Variants in GRID2 observed in about 807,000 individuals in gnomAD.
GRID2 encodes glutamate ionotropic receptor delta type subunit 2, also known as glutamate receptor ionotropic, delta-2.
A neutral mutation model predicts 114.8 loss-of-function variants in GRID2; 33 were observed. That is an observed-to-expected ratio of 0.29 (90% CI 0.22 to 0.38). GRID2 has a LOEUF of 0.38. Ranked by LOEUF, GRID2 falls within the 10% of genes least tolerant of loss-of-function variation. The pLI is 1.00. For missense variants in GRID2, 1,184 were observed against 1,257.7 expected (o/e 0.94, Z 0.89); for synonymous variants, 505 against 449.9 (o/e 1.12, Z -1.55).
intron 6 of GRID2, among the ~76,000 whole-genome samples, chr4:93,223,657 A>G (rs1052693224): frequency 1.3e-5 from 2 of 152,174 alleles, no homozygotes; most frequent in African/African-American, 2.4e-5. Context: ...ATTAATTTTC[A>G]TCACTACATT....
chr4:93,154,853 A>G (rs932769936), intron 4 of GRID2, among the ~76,000 whole-genome samples: 1 of 151,814 alleles, frequency 6.6e-6, no homozygotes, highest in Non-Finnish European at 1.5e-5. Flanking sequence ...TTAGGAACCC[A>G]TTCTCTGTCC....
intron 13 of GRID2, among the ~76,000 whole-genome samples, chr4:93,572,722 A>G (rs892030289): frequency 2.0e-5 from 3 of 152,114 alleles, no homozygotes; most frequent in Non-Finnish European, 2.9e-5. Flanking sequence ...CTGTGTTTCC[A>G]TGGCTACATC....
At chr4:93,143,720 T>C (rs561332026) in intron 4 of GRID2, among the ~76,000 whole-genome samples, 1 of 152,326 alleles carries the variant, frequency 6.6e-6, no homozygotes, top group East Asian at 1.9e-4. Flanking sequence ...TTGAAACAAG[T>C]ATGAAGACTT....
chr4:93,183,319 T>C (rs1298422146), intron 4 of GRID2, among the ~76,000 whole-genome samples: 1 of 152,212 alleles, frequency 6.6e-6, no homozygotes, highest in Non-Finnish European at 1.5e-5. Context: ...AAATTGAAGA[T>C]AATACTAAAC....
At chr4:93,299,096 G>A (rs560952152) in intron 8 of GRID2, among the ~76,000 whole-genome samples, 27 of 152,296 alleles carry the variant, frequency 1.8e-4, no homozygotes, top group African/African-American at 5.8e-4. Flanking sequence ...ATAAGGAATT[G>A]GAATGTAATC....
At chr4:93,304,325 A>G (rs916806713) in intron 8 of GRID2, among the ~76,000 whole-genome samples, 4 of 150,668 alleles carry the variant, frequency 2.7e-5, no homozygotes, top group African/African-American at 9.7e-5. Context: ...GGAATTTACT[A>G]TATCAAGGAA....
At chr4:93,314,759 A>G (rs1346459308) in intron 8 of GRID2, among the ~76,000 whole-genome samples, 2 of 147,064 alleles carry the variant, frequency 1.4e-5, no homozygotes, top group East Asian at 4.0e-4. Flanking sequence ...ACACACACAC[A>G]CTACATCACA....
At chr4:92,810,423 A>G (rs550776269) in intron 2 of GRID2, among the ~76,000 whole-genome samples, 22 of 152,180 alleles carry the variant, frequency 1.4e-4, no homozygotes, top group Non-Finnish European at 2.6e-4. Context: ...AGACTCCACC[A>G]TTACACAGTT....
chr4:93,689,372 T>G (rs1726347150), intron 14 of GRID2, among the ~76,000 whole-genome samples: 1 of 152,108 alleles, frequency 6.6e-6, no homozygotes, highest in Non-Finnish European at 1.5e-5. Flanking sequence ...TGTTGAACTA[T>G]ATGGCCTTCT....
At chr4:93,077,700 G>A (rs1256169620) in intron 2 of GRID2, among the ~76,000 whole-genome samples, 2 of 152,048 alleles carry the variant, frequency 1.3e-5, no homozygotes, top group African/African-American at 4.8e-5. Context: ...TGCACTCACC[G>A]AGTTTCCTAA....
intron 4 of GRID2, among the ~76,000 whole-genome samples, chr4:93,113,693 C>T (rs774632270): frequency 3.5e-4 from 54 of 152,168 alleles, no homozygotes; most frequent in African/African-American, 8.0e-4. Context: ...CATACATCTA[C>T]GCTGATCTCC....
intron 2 of GRID2, among the ~76,000 whole-genome samples, chr4:92,994,031 T>C (rs1755058179): frequency 6.6e-6 from 1 of 152,156 alleles, no homozygotes; most frequent in Non-Finnish European, 1.5e-5. Flanking sequence ...TCATCTTTTA[T>C]CCAGTGTCTG....
intron 2 of GRID2, among the ~76,000 whole-genome samples, chr4:92,648,120 C>A (rs976531262): frequency 6.7e-6 from 1 of 149,654 alleles, no homozygotes; most frequent in African/African-American, 2.5e-5. Context: ...CAATAAAATT[C>A]TTTTTGAGAT....
intron 1 of GRID2, among the ~76,000 whole-genome samples, chr4:92,414,767 G>C (rs1731514389): frequency 6.6e-6 from 1 of 152,034 alleles, no homozygotes; most frequent in Admixed American, 6.6e-5. Context: ...TTTCTACTGG[G>C]ACTATGTTAG....
intron 14 of GRID2, among the ~76,000 whole-genome samples, chr4:93,675,768 T>G (rs1469053430): frequency 6.6e-6 from 1 of 152,236 alleles, no homozygotes; most frequent in Non-Finnish European, 1.5e-5. Context: ...ATTTACTTAC[T>G]AAGCTTCTGT....
At chr4:93,542,632 A>G (rs1447655724) in intron 13 of GRID2, among the ~76,000 whole-genome samples, 6 of 152,122 alleles carry the variant, frequency 3.9e-5, no homozygotes, top group African/African-American at 1.2e-4. Flanking sequence ...ACTTTCCCCC[A>G]AGGAAGATGC....
At chr4:93,264,955 G>A (rs886455753) in intron 8 of GRID2, among the ~76,000 whole-genome samples, 11 of 151,416 alleles carry the variant, frequency 7.3e-5, no homozygotes, top group African/African-American at 2.2e-4. Context: ...GCTAATTTTT[G>A]TATTTTTAGT....
intron 1 of GRID2, among the ~76,000 whole-genome samples, chr4:92,424,588 C>G (rs999293885): frequency 6.6e-6 from 1 of 151,688 alleles, no homozygotes; most frequent in Non-Finnish European, 1.5e-5. Context: ...TTAGGAATAA[C>G]TATAAAACAT....
intron 2 of GRID2, among the ~76,000 whole-genome samples, chr4:93,039,495 C>T (rs552725459): frequency 4.1e-4 from 62 of 151,848 alleles, no homozygotes; most frequent in African/African-American, 1.3e-3. Flanking sequence ...TACATACATA[C>T]GTATATACAT....
Sources: allele counts gnomAD v4.1 joint callset (sites outside exome capture counted in the v4.1 genomes callset), GRCh38; gene constraint gnomAD v4.1.1; transcripts MANE v1.5; gene names NCBI Gene and HGNC (gene_info 2026-07-23, HGNC 2026-07-21).